Variants in SHROOM2 observed in about 807,000 individuals in gnomAD.
The protein encoded by SHROOM2 is protein Shroom2.
In SHROOM2, 33 loss-of-function variants were observed where a neutral mutation model predicts 75.9. The observed-to-expected ratio is 0.43, with a 90% CI of 0.33 to 0.58. The LOEUF (loss-of-function observed/expected upper bound fraction) is 0.58, where lower values mean the gene tolerates loss of function less well. Among genes scored for constraint, SHROOM2 ranks in the 20% least tolerant of loss-of-function variants. SHROOM2 has a pLI of 0.04. For missense variants in SHROOM2, 1,434 were observed against 1,461.2 expected (o/e 0.98, Z 0.30); for synonymous variants, 655 against 663.6 (o/e 0.99, Z 0.20).
intron 5 of SHROOM2, among the ~76,000 whole-genome samples, chrX:9,910,666 A>T (rs960515141): frequency 9.2e-6 from 1 of 109,151 alleles, no homozygotes; most frequent in African/African-American, 3.4e-5. Context: ...AAAATACAAA[A>T]ATTAGCTGGG....
intron 1 of SHROOM2, among the ~76,000 whole-genome samples, chrX:9,814,931 A>G (rs768160566): frequency 1.8e-5 from 2 of 111,267 alleles, no homozygotes; most frequent in Non-Finnish European, 3.8e-5. Flanking sequence ...CTGTTTTTCC[A>G]CAATTTCAGC....
In SHROOM2 at chrX:9,816,663, A is replaced by G. The variant is rs990406155; in HGVS notation, c.165+29953A>G. On this transcript the variant is annotated intron_variant, in intron 1 of 9. Coordinates refer to ENST00000380913, the MANE Select transcript of SHROOM2 (RefSeq NM_001649.4). ...CTTTCACCCTCCCTGCGAAGTGGAC[A>G]TGGGGTTGATTCTGGGGTTCAGACA... is the stretch of plus-strand genomic sequence containing the variant. Among the ~76,000 whole-genome samples the G allele has an allele frequency of 3.6e-5, 4 of 110,753 alleles. No homozygotes were observed. The Admixed American group carries it at 3.9e-4, about 11-fold the overall frequency.
At chrX:9,792,466 T>TTTTG in intron 1 of SHROOM2, among the ~76,000 whole-genome samples, 3 of 108,200 alleles carry the variant, frequency 2.8e-5, no homozygotes, top group Middle Eastern at 9.4e-3. Flanking sequence ...TGTTTTTTTT[T>TTTTG]TTGTTGTTGT....
intron 1 of SHROOM2, among the ~76,000 whole-genome samples, chrX:9,838,210 G>A (rs982399093): frequency 5.5e-5 from 6 of 108,952 alleles, no homozygotes; most frequent in Admixed American, 3.0e-4. Flanking sequence ...ACAGGTGCCC[G>A]CCACCACGCC....
chrX:9,927,160 G>A (rs900371963), intron 5 of SHROOM2, among the ~76,000 whole-genome samples: 1 of 109,524 alleles, frequency 9.1e-6, no homozygotes, highest in African/African-American at 3.3e-5. Flanking sequence ...GCCAGCATGG[G>A]CAACATGGTG....
Position 9,946,925 on chromosome X carries a change from AAG to A in SHROOM2, c.4840_4841del (p.Arg1614GlyfsTer27), listed in dbSNP as rs1197750846. 2 of 1,194,951 alleles carry A rather than the reference AAG, an allele frequency of 1.7e-6. No individual in the cohort carries two copies. The highest frequency in any genetic ancestry group is 2.3e-6 in the Non-Finnish European group (2 of 887,161). ...GCTTATTGGACAGCCTTCAGCCCGA[AAG>A]GGGCAAATAAGAGACCAGTCCCCGG... ...KCLLDSLQPE[R>X]GK On this transcript the variant is annotated frameshift_variant, in exon 10 of 10. Coordinates refer to ENST00000380913, the MANE Select transcript of SHROOM2 (RefSeq NM_001649.4). LOFTEE classifies it high-confidence loss of function.
At chrX:9,829,677 A>T in intron 1 of SHROOM2, among the ~76,000 whole-genome samples, 1 of 112,400 alleles carries the variant, frequency 8.9e-6, no homozygotes, top group East Asian at 2.8e-4. Flanking sequence ...GGAAGTTGAG[A>T]AATTGCGGTT....
chrX:9,815,320 A>G (rs1217166949), intron 1 of SHROOM2, among the ~76,000 whole-genome samples: 1 of 110,133 alleles, frequency 9.1e-6, no homozygotes, highest in South Asian at 3.9e-4. Flanking sequence ...AGAAACCTCA[A>G]CCCACAAAAG....
At chrX:9,900,652 T>C (rs1248234064) in intron 5 of SHROOM2, among the ~76,000 whole-genome samples, 1 of 111,945 alleles carries the variant, frequency 8.9e-6, no homozygotes, top group East Asian at 2.8e-4. Context: ...GTAGGGCAGA[T>C]TGAAGTGATG....
At chrX:9,864,757 G>A (rs1206384940) in intron 1 of SHROOM2, among the ~76,000 whole-genome samples, 2 of 107,617 alleles carry the variant, frequency 1.9e-5, no homozygotes, top group Non-Finnish European at 3.9e-5. Flanking sequence ...CCCGGGAGGC[G>A]GAGCTTGCAG....
intron 5 of SHROOM2, among the ~76,000 whole-genome samples, chrX:9,917,502 T>TTTG (rs35611302): frequency 0.27 from 23,084 of 84,143 alleles, 3,103 homozygotes; most frequent in East Asian, 0.56. Context: ...ATTGTGGTTC[T>TTTG]TTGTTGTTGT....
chrX:9,864,385 A>G (rs903678539), intron 1 of SHROOM2, among the ~76,000 whole-genome samples: 53 of 111,304 alleles, frequency 4.8e-4, no homozygotes, highest in African/African-American at 1.6e-3. Flanking sequence ...CAGTTCTACT[A>G]AAAAACAACC....
rs1457473206 is a variant in SHROOM2 at position 9,895,767 on chromosome X, C to A, written c.1859C>A (p.Thr620Asn). 1 of 1,201,521 alleles carries A rather than the reference C, an allele frequency of 8.3e-7. No homozygotes were observed. Residue 620 changes from threonine to asparagine, a missense_variant, in exon 4 of 10, where the codon ACC becomes AAC. Physicochemically the swap from Thr to Asn is moderately conservative, Grantham distance 65. Transcript: ENST00000380913. ...PPFDAHVGKP[T>N]RRSDRFATTL... is the part of the protein sequence containing the mutation. Reference sequence around the variant, plus strand: ...TTCGACGCCCACGTGGGCAAGCCCACCCGAAGAAGCGACCGCTTTGCCACC... The same window carrying A: ...TTCGACGCCCACGTGGGCAAGCCCAACCGAAGAAGCGACCGCTTTGCCACC...
At chrX:9,836,844 A>G (rs1452619599) in intron 1 of SHROOM2, among the ~76,000 whole-genome samples, 1 of 111,210 alleles carries the variant, frequency 9.0e-6, no homozygotes, top group Non-Finnish European at 1.9e-5. Flanking sequence ...TCACCCCCAA[A>G]AGATTCTTTT....
rs140739961 is a variant in SHROOM2 at position 9,808,740 on chromosome X, T to C, written c.165+22030T>C. Reference sequence around the variant, plus strand: ...AGCCAGGCGTGGTATCAGGCGCCTATAATCCCAGCTACTCGGGAGGCTGAG... The same window carrying C: ...AGCCAGGCGTGGTATCAGGCGCCTACAATCCCAGCTACTCGGGAGGCTGAG... On this transcript the variant is annotated intron_variant, in intron 1 of 9. Transcript: ENST00000380913. 2.1e-3 allele frequency among the ~76,000 whole-genome samples: 233 copies of C among 109,950 alleles called. 5 individuals carry two copies. In the East Asian group the frequency reaches 0.055, roughly 26 times the overall value.
At chrX:9,839,881 G>T (rs1184200499) in intron 1 of SHROOM2, among the ~76,000 whole-genome samples, 1 of 112,286 alleles carries the variant, frequency 8.9e-6, no homozygotes, top group African/African-American at 3.2e-5. Context: ...GGGCGCTCCA[G>T]CCTGTGCAGA....
intron 1 of SHROOM2, among the ~76,000 whole-genome samples, chrX:9,791,461 C>G (rs200249706): frequency 1.8e-5 from 2 of 112,065 alleles, no homozygotes; most frequent in East Asian, 5.6e-4. Flanking sequence ...TTCTTGCACA[C>G]CGGGTGCAGC....
chrX:9,852,487 GCTTTCT>G (rs1338174898), intron 1 of SHROOM2, among the ~76,000 whole-genome samples: 2 of 112,076 alleles, frequency 1.8e-5, no homozygotes, highest in Non-Finnish European at 3.8e-5. Flanking sequence ...TCTACCAAAG[GCTTTCT>G]CTTTCTGTTA....
chrX:9,812,566 C>T (rs936531786), intron 1 of SHROOM2, among the ~76,000 whole-genome samples: 1 of 111,987 alleles, frequency 8.9e-6, no homozygotes, highest in East Asian at 2.8e-4. Context: ...GTAGAAGGTC[C>T]GTGAATTTTA....
Sources: gnomAD v4.1 joint callset for allele counts (sites outside exome capture counted in the v4.1 genomes callset) on GRCh38, gnomAD v4.1.1 for gene constraint, MANE v1.5 for transcripts, NCBI Gene and HGNC (gene_info 2026-07-23, HGNC 2026-07-21) for gene names.